TPRG1: variants seen among roughly 807,000 people sequenced by gnomAD.
TPRG1 encodes the protein tumor protein p63 regulated 1.
In TPRG1, 29 loss-of-function variants were observed where a neutral mutation model predicts 29.3. The ratio of observed to expected loss-of-function variants is 0.99; its 90% CI spans 0.74 to 1.35. The LOEUF is 1.35. Among genes scored for constraint, TPRG1 ranks in the 40% most tolerant of loss-of-function variants. The pLI is 0.00. For missense variants in TPRG1, 327 were observed against 335.0 expected (o/e 0.98, Z 0.19); for synonymous variants, 130 against 116.8 (o/e 1.11, Z -0.73).
chr3:189,259,001 G>C (rs1712463421), intron 4 of TPRG1, among the ~76,000 whole-genome samples: 1 of 152,156 alleles, frequency 6.6e-6, no homozygotes, highest in African/African-American at 2.4e-5. Flanking sequence ...CCTCTTTCTA[G>C]AGTGAACAGT....
At chr3:189,111,286 TAGAG>T (rs1490495685) in intron 1 of TPRG1, among the ~76,000 whole-genome samples, 3 of 152,080 alleles carry the variant, frequency 2.0e-5, no homozygotes, top group Non-Finnish European at 4.4e-5. Context: ...ATAAAGGTCT[TAGAG>T]ATATTTTGCA....
intron 3 of TPRG1, among the ~76,000 whole-genome samples, chr3:189,021,732 G>A (rs1713322972): frequency 1.3e-5 from 2 of 152,114 alleles, no homozygotes; most frequent in African/African-American, 4.8e-5. Context: ...TTCTCGAGGA[G>A]TATCTTTGTG....
intron 1 of TPRG1, among the ~76,000 whole-genome samples, chr3:189,194,942 A>AG (rs1262761622): frequency 6.6e-6 from 1 of 152,118 alleles, no homozygotes; most frequent in Non-Finnish European, 1.5e-5. Context: ...ACACCACTCT[A>AG]GGGGGCTAGT....
intron 1 of TPRG1, among the ~76,000 whole-genome samples, chr3:189,109,537 A>T (rs950760208): frequency 2.0e-5 from 3 of 152,226 alleles, no homozygotes; most frequent in African/African-American, 7.2e-5. Context: ...GAAGAACTGA[A>T]GATAAGTTCA....
intron 1 of TPRG1, among the ~76,000 whole-genome samples, chr3:189,197,114 A>T (rs1314148300): frequency 6.6e-6 from 1 of 152,200 alleles, no homozygotes; most frequent in African/African-American, 2.4e-5. Context: ...AATAACTGGG[A>T]CAGAGGCTTG....
At chr3:189,289,461 T>C (rs1247313628) in intron 4 of TPRG1, among the ~76,000 whole-genome samples, 1 of 151,946 alleles carries the variant, frequency 6.6e-6, no homozygotes, top group Non-Finnish European at 1.5e-5. Flanking sequence ...TGTGATTCTA[T>C]GTAGTGGTTA....
intron 4 of TPRG1, among the ~76,000 whole-genome samples, chr3:189,297,239 C>A (rs1249221888): frequency 1.3e-5 from 2 of 152,022 alleles, no homozygotes. Context: ...CCTCATCATC[C>A]CAAAGTGCTG....
chr3:189,255,666 G>A (rs1256117057), intron 4 of TPRG1, among the ~76,000 whole-genome samples: 1 of 152,090 alleles, frequency 6.6e-6, no homozygotes, highest in Non-Finnish European at 1.5e-5. Flanking sequence ...GCTTTTTTTG[G>A]TCTGTAAGTC....
chr3:189,110,339 G>A (rs545684606), intron 1 of TPRG1, among the ~76,000 whole-genome samples: 1 of 152,110 alleles, frequency 6.6e-6, no homozygotes, highest in East Asian at 1.9e-4. Context: ...TGGCTTATTT[G>A]CCATTTATAT....
intron 3 of TPRG1, among the ~76,000 whole-genome samples, chr3:189,229,372 G>A (rs1738285497): frequency 6.6e-6 from 1 of 152,168 alleles, no homozygotes; most frequent in Admixed American, 6.5e-5. Context: ...TTTCTGTGGT[G>A]GAAGTTCAGC....
chr3:189,098,529 T>C (rs1718841411), upstream of TPRG1, among the ~76,000 whole-genome samples: 1 of 152,054 alleles, frequency 6.6e-6, no homozygotes, highest in Non-Finnish European at 1.5e-5. Flanking sequence ...GGGATGGGCT[T>C]CCAGGAAAGC....
At chr3:189,089,583 C>T (rs754595124) in intron 4 of TPRG1, among the ~76,000 whole-genome samples, 1 of 152,146 alleles carries the variant, frequency 6.6e-6, no homozygotes, top group South Asian at 2.1e-4. Context: ...GTGAGGCCCT[C>T]CTTGCTGGTG....
intron 3 of TPRG1, among the ~76,000 whole-genome samples, chr3:189,215,788 C>T (rs1292077260): frequency 6.6e-6 from 1 of 152,120 alleles, no homozygotes; most frequent in East Asian, 1.9e-4. Context: ...TAGATAAAAT[C>T]AACATATATA....
chr3:189,297,522 A>C (rs1720153498), intron 4 of TPRG1, among the ~76,000 whole-genome samples: 1 of 152,144 alleles, frequency 6.6e-6, no homozygotes, highest in South Asian at 2.1e-4. Context: ...AGGTGGGGTT[A>C]GGATCACCTG....
intron 1 of TPRG1, among the ~76,000 whole-genome samples, chr3:189,116,853 C>T (rs1465887311): frequency 6.6e-6 from 1 of 152,086 alleles, no homozygotes; most frequent in African/African-American, 2.4e-5. Flanking sequence ...GTTTTGGAGA[C>T]TGGTTGTAGA....
At chr3:189,032,079 C>G (rs1263487194) in intron 4 of TPRG1, among the ~76,000 whole-genome samples, 2 of 152,100 alleles carry the variant, frequency 1.3e-5, no homozygotes, top group Non-Finnish European at 2.9e-5. Flanking sequence ...TGTTACCTTA[C>G]ATAGCAAAAG....
chr3:189,009,183 C>T (rs985673425), intron 3 of TPRG1, among the ~76,000 whole-genome samples: 17 of 151,992 alleles, frequency 1.1e-4, no homozygotes, highest in Non-Finnish European at 1.9e-4. Context: ...CGTGGCCCAC[C>T]GGCTGGCTAT....
At chr3:189,201,657 A>AT (rs1733511186) in intron 1 of TPRG1, among the ~76,000 whole-genome samples, 2 of 151,180 alleles carry the variant, frequency 1.3e-5, no homozygotes, top group East Asian at 1.9e-4. Context: ...TTGTTTTTTT[A>AT]TTTTTTTTGA....
At chr3:189,296,171 G>A (rs779955447) in intron 4 of TPRG1, among the ~76,000 whole-genome samples, 3 of 152,192 alleles carry the variant, frequency 2.0e-5, no homozygotes, top group Non-Finnish European at 4.4e-5. Context: ...TTTGTTCTCT[G>A]CCTCACAATT....
Sources: allele counts gnomAD v4.1 joint callset (sites outside exome capture counted in the v4.1 genomes callset), GRCh38; gene constraint gnomAD v4.1.1; transcripts MANE v1.5; gene names NCBI Gene and HGNC (gene_info 2026-07-23, HGNC 2026-07-21).